KIF13A: variants seen among roughly 807,000 people sequenced by gnomAD.
KIF13A encodes the protein kinesin family member 13A, also known as kinesin-like protein KIF13A.
KIF13A carries 79 observed loss-of-function variants against 212.2 expected under a neutral mutation model. The ratio of observed to expected loss-of-function variants is 0.37; its 90% CI spans 0.31 to 0.45. KIF13A has a LOEUF of 0.45. KIF13A is among the 20% of genes least tolerant of loss of function. The pLI is 1.00. For missense variants in KIF13A, 1,901 were observed against 2,209.0 expected, an observed-to-expected ratio of 0.86 and a Z score of 2.79; for synonymous variants, 789 against 808.6, an observed-to-expected ratio of 0.98 and a Z score of 0.41.
At position 17,850,676 on chromosome 6, in the gene KIF13A, T is replaced by C. The variant is rs946486138; in HGVS notation, c.583-219A>G. 2.2e-4 allele frequency among the ~76,000 whole-genome samples: 33 copies of C among 152,210 alleles called. No individual in the cohort carries two copies. Among genetic ancestry groups the C allele is most frequent in the African/African-American group, 7.5e-4 (31 of 41,464 alleles). On this transcript the variant is annotated intron_variant, in intron 7 of 38. Transcript: ENST00000259711. The surrounding 1 kb of genome is among the most constrained non-coding windows in gnomAD (Gnocchi z 6.2). ...TTCCCTAATTCTTTCCATTTCCCAATTGTCTTCTTTCTCAGTTGAGTCCCT... is the reference window on the plus strand; with the variant it reads ...TTCCCTAATTCTTTCCATTTCCCAACTGTCTTCTTTCTCAGTTGAGTCCCT...
At chr6:17,975,362 A>G (rs1007361166) in intron 2 of KIF13A, among the ~76,000 whole-genome samples, 1 of 151,958 alleles carries the variant, frequency 6.6e-6, no homozygotes, top group African/African-American at 2.4e-5. Context: ...GAAGCTGCGG[A>G]CCCTCACAAT....
chr6:17,960,871 G>A (rs995602341), intron 2 of KIF13A, among the ~76,000 whole-genome samples: 5 of 152,230 alleles, frequency 3.3e-5, no homozygotes, highest in Non-Finnish European at 7.3e-5. Context: ...TGAATTCACA[G>A]TATAACGTAT....
intron 4 of KIF13A, among the ~76,000 whole-genome samples, chr6:17,864,848 C>A (rs1485578622): frequency 6.6e-6 from 1 of 152,148 alleles, no homozygotes; most frequent in African/African-American, 2.4e-5. Context: ...CATAATCTGT[C>A]CCTACTTAGA....
chr6:17,812,283 C>T (rs532807187), intron 17 of KIF13A: 5 of 152,076 alleles, frequency 3.3e-5, no homozygotes, highest in East Asian at 1.9e-4. Flanking sequence ...TTTCATTACC[C>T]GGGTAGTAAG....
rs568837079 is a variant in KIF13A at position 17,979,936 on chromosome 6, T to G, written c.146+7118A>C. Among the ~76,000 whole-genome samples the G allele has an allele frequency of 3.4e-4, 51 of 151,680 alleles. No individual in the cohort carries two copies. In the South Asian group the frequency reaches 1.0e-2, roughly 30 times the overall value. Reference sequence around the variant, plus strand: ...AGAAGTGAAAAGTAAAAAGAAAAAATAAAACCATCAGAAGACCAGTTCAGG... The same window carrying G: ...AGAAGTGAAAAGTAAAAAGAAAAAAGAAAACCATCAGAAGACCAGTTCAGG... On this transcript the variant is annotated intron_variant, in intron 2 of 38. Transcript: ENST00000259711.
rs1781651051 is a variant in KIF13A at position 17,987,215 on chromosome 6, C to G, written c.56-71G>C. On this transcript the variant is annotated intron_variant, in intron 1 of 38. Coordinates refer to ENST00000259711, the MANE Select transcript of KIF13A (RefSeq NM_022113.6). The surrounding 1 kb of genome is among the most constrained non-coding windows in gnomAD (Gnocchi z 7.7). ...CTCCAGCCCGCCCGCCCGCCAGCCG[C>G]GCCGAGCGGGGCTCCGTCCCTGGAG... 2.2e-6 allele frequency: 3 copies of G among 1,334,736 alleles called. No homozygotes were observed. The East Asian group carries it at 8.2e-5, about 37-fold the overall frequency. The allele number at this position is 1,334,736 out of a possible 1,614,324, so 82.7% of individuals were successfully genotyped here.
rs1348384273 is a variant in KIF13A, at chr6:17,828,940, T to C, written c.1402-570A>G. Among the ~76,000 whole-genome samples, 1 of 145,804 alleles carries C rather than the reference T, an allele frequency of 6.9e-6. No homozygotes were observed. The highest frequency in any genetic ancestry group is 1.5e-5 in the Non-Finnish European group (1 of 66,636). ...ATTAATGCCTGTGGGTCATACCATG[T>C]ACAAACGTGTGATTTTTTTTTTTTT... On this transcript the variant is annotated intron_variant, in intron 13 of 38. Coordinates refer to ENST00000259711, the MANE Select transcript of KIF13A (RefSeq NM_022113.6). This position sits in a 1 kb window ranked among gnomAD's most constrained non-coding sequence, Gnocchi z 4.3.
intron 17 of KIF13A, among the ~76,000 whole-genome samples, chr6:17,813,439 C>A (rs1225041267): frequency 6.6e-6 from 1 of 152,118 alleles, no homozygotes; most frequent in Non-Finnish European, 1.5e-5. Context: ...GATATCATGC[C>A]ATTGCACTCC....
At chr6:17,805,643 C>T in intron 18 of KIF13A, 28 bp from the exon 19 acceptor site, 1 of 1,565,782 alleles carries the variant, frequency 6.4e-7, no homozygotes. Context: ...ACAAAACAAA[C>T]CCTGTTATAA....
At chr6:17,880,401 C>T (rs145109251) in intron 3 of KIF13A, among the ~76,000 whole-genome samples, 2 of 151,976 alleles carry the variant, frequency 1.3e-5, no homozygotes, top group Non-Finnish European at 2.9e-5. Context: ...CCAAGGCGGG[C>T]GGATCACCTG....
At chr6:17,765,002 A>T (rs1315442799) in intron 38 of KIF13A, 56 bp from the exon 39 acceptor site, 1 of 1,335,826 alleles carries the variant, frequency 7.5e-7, no homozygotes, top group African/African-American at 1.5e-5. Context: ...TGTACTGTTG[A>T]GACAAGTTTT....
chr6:17,880,048 GC>G (rs1770914990), intron 3 of KIF13A, among the ~76,000 whole-genome samples: 2 of 152,112 alleles, frequency 1.3e-5, no homozygotes, highest in Admixed American at 1.3e-4. Flanking sequence ...GCTCACTGCA[GC>G]CTCAACCTCC....
chr6:17,862,560 T>C (rs1204650431), intron 4 of KIF13A, among the ~76,000 whole-genome samples: 2 of 152,046 alleles, frequency 1.3e-5, no homozygotes, highest in Non-Finnish European at 2.9e-5. Flanking sequence ...CCCAACAGTT[T>C]GGGAGGCTGA....
chr6:17,854,997 T>C (rs991223876), intron 6 of KIF13A, among the ~76,000 whole-genome samples: 3 of 152,182 alleles, frequency 2.0e-5, no homozygotes, highest in African/African-American at 7.2e-5. Context: ...TGGGTGGACA[T>C]CAGGCAAGTG....
Position 17,897,661 on chromosome 6 carries a change from C to T in KIF13A, c.159+507G>A, listed in dbSNP as rs1232907489. Among the ~76,000 whole-genome samples the T allele has an allele frequency of 6.6e-6, 1 of 152,200 alleles. No homozygotes were observed. Among genetic ancestry groups the T allele is most frequent in the African/African-American group, 2.4e-5 (1 of 41,444 alleles). ...ATATAAAGTTGGTAGAATGTTGAATCTCTATTTAAAAGTGTGAAGAACTTT... is the reference window on the plus strand; with the variant it reads ...ATATAAAGTTGGTAGAATGTTGAATTTCTATTTAAAAGTGTGAAGAACTTT... On this transcript the variant is annotated intron_variant, in intron 3 of 38. Coordinates refer to ENST00000259711, the MANE Select transcript of KIF13A (RefSeq NM_022113.6). The surrounding 1 kb of genome is among the most constrained non-coding windows in gnomAD (Gnocchi z 4.8).
intron 4 of KIF13A, among the ~76,000 whole-genome samples, chr6:17,869,155 T>C (rs1769768034): frequency 6.6e-6 from 1 of 152,260 alleles, no homozygotes; most frequent in East Asian, 1.9e-4. Flanking sequence ...GGCTGATTCA[T>C]GTTTTATCAG....
At chr6:17,937,403 G>A (rs567794577) in intron 2 of KIF13A, among the ~76,000 whole-genome samples, 1 of 152,178 alleles carries the variant, frequency 6.6e-6, no homozygotes, top group Non-Finnish European at 1.5e-5. Flanking sequence ...AATTGTTTTA[G>A]TCCTTCGACC....
At position 17,913,936 on chromosome 6, in the gene KIF13A, G is replaced by A. The variant is rs1175635375; in HGVS notation, c.147-15756C>T. On this transcript the variant is annotated intron_variant, in intron 2 of 38. Transcript: ENST00000259711. ...GCTGAGGCTCAGTGCCAGCCTGTTT[G>A]TCAACTGTTGCTGGATCCCAGAGGA... Among the ~76,000 whole-genome samples the A allele has an allele frequency of 2.0e-5, 3 of 152,176 alleles. No individual in the cohort carries two copies. The East Asian group carries it at 5.8e-4, about 29-fold the overall frequency.
rs1345304532 is a variant in KIF13A at position 17,926,636 on chromosome 6, C to T, written c.147-28456G>A. Among the ~76,000 whole-genome samples the T allele has an allele frequency of 1.7e-5, 2 of 115,456 alleles. No homozygotes were observed. Among genetic ancestry groups the T allele is most frequent in the African/African-American group, 6.1e-5 (2 of 32,900 alleles). The allele number at this position is 115,456 out of a possible 152,430, so 75.7% of individuals were successfully genotyped here. On this transcript the variant is annotated intron_variant, in intron 2 of 38. Coordinates refer to ENST00000259711, the MANE Select transcript of KIF13A (RefSeq NM_022113.6). The surrounding 1 kb of genome is among the most constrained non-coding windows in gnomAD (Gnocchi z 4.3). ...GAAGGCATCCCCAATTATATACTCACTGGAAAAGCATCGGACTAATAAGAA... is the reference window on the plus strand; with the variant it reads ...GAAGGCATCCCCAATTATATACTCATTGGAAAAGCATCGGACTAATAAGAA...
Sources: gnomAD v4.1 joint callset for allele counts (sites outside exome capture counted in the v4.1 genomes callset) on GRCh38, gnomAD v4.1.1 for gene constraint, Gnocchi (gnomAD v3.1) non-coding constraint, MANE v1.5 for transcripts, NCBI Gene and HGNC (gene_info 2026-07-23, HGNC 2026-07-21) for gene names.